NBAS: variants seen among roughly 807,000 people sequenced by gnomAD.
NBAS encodes NBAS subunit of NRZ tethering complex, also known as NAG/BC035112 fusion.
NBAS carries 219 observed loss-of-function variants against 302.5 expected under a neutral mutation model. The ratio of observed to expected loss-of-function variants is 0.72; its 90% CI spans 0.65 to 0.81. The LOEUF is 0.81. Ranked by LOEUF, NBAS falls within the 30% of genes least tolerant of loss-of-function variation. NBAS has a pLI of 0.00. For missense variants in NBAS, 2,932 were observed against 2,841.6 expected (o/e 1.03, Z -0.72); for synonymous variants, 1,118 against 1,021.6 (o/e 1.09, Z -1.80).
At chr2:15,040,745 G>A in the NBAS span, among the ~76,000 whole-genome samples, 1 of 152,082 alleles carries the variant, frequency 6.6e-6, no homozygotes, top group Non-Finnish European at 1.5e-5. Context: ...TCCAGGAGGT[G>A]GCCTTCACAG....
At chr2:14,825,831 C>T in the NBAS span, among the ~76,000 whole-genome samples, 3 of 152,096 alleles carry the variant, frequency 2.0e-5, no homozygotes, top group Non-Finnish European at 4.4e-5. Context: ...AGGAACTAGG[C>T]TGGGTGTCAG....
rs777507385 is a variant in NBAS at position 15,287,160 on chromosome 2, C to T, written c.5051G>A (p.Ser1684Asn). Residue 1684 changes from serine (S) to asparagine (N), a missense_variant, in exon 42 of 52, where the codon AGC becomes AAC. Transcript: ENST00000281513. ...LAETLEESVY[S>N]IAISLAQRYS... ...ACGTTGTGCCAGAGAAATAGCAATGCTGTAGACGCTTTCCTCTAGAGTTCT... is the reference window on the plus strand; with the variant it reads ...ACGTTGTGCCAGAGAAATAGCAATGTTGTAGACGCTTTCCTCTAGAGTTCT... 1.2e-5 allele frequency: 20 copies of T among 1,613,862 alleles called. No homozygotes were observed. The South Asian group carries it at 2.2e-4, about 18-fold the overall frequency.
At chr2:15,083,651 A>G in the NBAS span, among the ~76,000 whole-genome samples, 3,059 of 152,334 alleles carry the variant, frequency 0.02, 131 homozygotes, top group East Asian at 0.11. Context: ...GAATCATCAA[A>G]TCCTTTTCAA....
intron 21 of NBAS, 54 bp downstream of exon 21, chr2:15,461,147 A>G: frequency 6.7e-7 from 1 of 1,503,270 alleles, no homozygotes; most frequent in Non-Finnish European, 9.1e-7. Flanking sequence ...CAGCATGACA[A>G]AAAAATTATC....
At chr2:15,444,787 T>C (rs368964944) in intron 21 of NBAS, among the ~76,000 whole-genome samples, 2 of 151,834 alleles carry the variant, frequency 1.3e-5, no homozygotes, top group African/African-American at 2.4e-5. Context: ...GAATCTACAA[T>C]GAACTCAAAC....
intron 45 of NBAS, among the ~76,000 whole-genome samples, chr2:15,237,143 T>C (rs1056978862): frequency 1.3e-5 from 2 of 152,216 alleles, no homozygotes; most frequent in Non-Finnish European, 2.9e-5. Context: ...TATTCATATA[T>C]ATAAGCACTG....
chr2:15,437,163 G>A (rs1678063193), intron 21 of NBAS, among the ~76,000 whole-genome samples: 2 of 152,096 alleles, frequency 1.3e-5, no homozygotes, highest in African/African-American at 4.8e-5. Flanking sequence ...CTCTTCGCCT[G>A]TGTATGAGCA....
the NBAS span, among the ~76,000 whole-genome samples, chr2:15,137,035 A>G: frequency 6.6e-6 from 1 of 152,182 alleles, no homozygotes; most frequent in Non-Finnish European, 1.5e-5. Flanking sequence ...ACCGATTAAT[A>G]CAGTGCCCTT....
intron 40 of NBAS, among the ~76,000 whole-genome samples, chr2:15,303,417 C>A (rs1182541864): frequency 6.6e-6 from 1 of 152,086 alleles, no homozygotes; most frequent in Non-Finnish European, 1.5e-5. Context: ...AAATATAAGA[C>A]CTGGAAATAA....
chr2:15,175,468 TG>T (rs1202989951), intron 51 of NBAS, among the ~76,000 whole-genome samples: 1 of 152,216 alleles, frequency 6.6e-6, no homozygotes, highest in Non-Finnish European at 1.5e-5. Flanking sequence ...CTGCTTACTT[TG>T]ATGAAACAAG....
chr2:15,350,589 T>A (rs1400076830), intron 35 of NBAS, among the ~76,000 whole-genome samples: 1 of 152,114 alleles, frequency 6.6e-6, no homozygotes, highest in Non-Finnish European at 1.5e-5. Context: ...TCCTCCTTTG[T>A]CTCCCAGGAT....
At chr2:15,396,112 T>C (rs576696378) in intron 27 of NBAS, among the ~76,000 whole-genome samples, 1 of 152,278 alleles carries the variant, frequency 6.6e-6, no homozygotes, top group South Asian at 2.1e-4. Context: ...CTAATATTGA[T>C]TCCACAATTT....
chr2:15,226,243 C>T (rs1462402968), intron 47 of NBAS, among the ~76,000 whole-genome samples: 1 of 152,146 alleles, frequency 6.6e-6, no homozygotes, highest in Admixed American at 6.5e-5. Context: ...TGAATAGCAC[C>T]TTTCCAAAGT....
At chr2:14,892,919 G>A in the NBAS span, among the ~76,000 whole-genome samples, 1 of 152,030 alleles carries the variant, frequency 6.6e-6, no homozygotes, top group Non-Finnish European at 1.5e-5. Flanking sequence ...TACAGGATTA[G>A]ACCACATTTG....
the NBAS span, among the ~76,000 whole-genome samples, chr2:15,156,685 G>C: frequency 6.6e-6 from 1 of 152,156 alleles, no homozygotes; most frequent in Non-Finnish European, 1.5e-5. Flanking sequence ...TTTGGAGTTA[G>C]ATATCAACAT....
At chr2:14,849,033 A>G in the NBAS span, among the ~76,000 whole-genome samples, 19 of 151,530 alleles carry the variant, frequency 1.3e-4, no homozygotes, top group East Asian at 3.7e-3. Context: ...CCTCTTCCAA[A>G]GGAACGCAGT....
intron 2 of NBAS, among the ~76,000 whole-genome samples, chr2:15,558,202 T>C (rs1010253023): frequency 7.2e-5 from 11 of 152,286 alleles, no homozygotes; most frequent in African/African-American, 2.4e-4. Flanking sequence ...TGCTGCCGCT[T>C]ATCTGACAGG....
intron 30 of NBAS, among the ~76,000 whole-genome samples, chr2:15,379,161 G>A (rs1674900594): frequency 6.6e-6 from 1 of 150,868 alleles, no homozygotes; most frequent in Non-Finnish European, 1.5e-5. Context: ...TGACTTCGGA[G>A]GTTTATCATC....
chr2:15,551,604 TA>T, intron 5 of NBAS, 68 bp from the exon 6 acceptor site: 1 of 1,172,554 alleles, frequency 8.5e-7, no homozygotes, highest in Non-Finnish European at 1.2e-6. Context: ...AAATACCAGA[TA>T]CTGTGGACTA....
Sources: allele counts gnomAD v4.1 joint callset (sites outside exome capture counted in the v4.1 genomes callset), GRCh38; gene constraint gnomAD v4.1.1; transcripts MANE v1.5; gene names NCBI Gene and HGNC (gene_info 2026-07-23, HGNC 2026-07-21).